Variants in GATAD1 observed in about 807,000 individuals in gnomAD.
GATAD1 encodes the protein GATA zinc finger domain-containing protein 1.
Under a neutral mutation model 26.5 loss-of-function variants are expected in GATAD1, and 12 were observed. The ratio of observed to expected loss-of-function variants is 0.45; its 90% CI spans 0.29 to 0.73. The LOEUF (loss-of-function observed/expected upper bound fraction) is 0.73. Ranked by LOEUF, GATAD1 falls within the 30% of genes least tolerant of loss-of-function variation. The pLI, the probability that GATAD1 is intolerant of heterozygous loss-of-function variation, is 0.10. For synonymous variants in GATAD1, 129 were observed against 133.1 expected (o/e 0.97, Z 0.21); for missense variants, 266 against 342.1 (o/e 0.78, Z 1.75).
At chr7:92,461,718 G>A (rs139819836), downstream of GATAD1, among the ~76,000 whole-genome samples, 2 of 152,228 alleles carry the variant, frequency 1.3e-5, no homozygotes, top group African/African-American at 4.8e-5. Flanking sequence ...TCCCTCATGT[G>A]GCTGTTGGCA....
chr7:92,476,252 T>C, the GATAD1 span, among the ~76,000 whole-genome samples: 1 of 152,250 alleles, frequency 6.6e-6, no homozygotes, highest in Non-Finnish European at 1.5e-5. Context: ...TTTTGCTTTT[T>C]TTATTAGAAT....
chr7:92,485,340 C>CATT, the GATAD1 span, among the ~76,000 whole-genome samples: 1 of 152,138 alleles, frequency 6.6e-6, no homozygotes, highest in Non-Finnish European at 1.5e-5. Flanking sequence ...GGAGCCATAT[C>CATT]ATTTGTGTTC....
the GATAD1 span, among the ~76,000 whole-genome samples, chr7:92,466,103 A>G: frequency 6.6e-6 from 1 of 152,210 alleles, no homozygotes; most frequent in Non-Finnish European, 1.5e-5. Context: ...GTTTATTACA[A>G]AAAGACTGTT....
the GATAD1 span, chr7:92,494,728 A>T: frequency 1.3e-6 from 1 of 776,250 alleles, no homozygotes; most frequent in South Asian, 2.5e-5. Flanking sequence ...ATGTATTTAT[A>T]TATATTTATA....
chr7:92,456,694 G>T lies in GATAD1; in HGVS notation c.*132G>T, dbSNP rs907102137. 9 of 557,328 alleles carry T rather than the reference G, an allele frequency of 1.6e-5. No homozygotes were observed. The highest frequency in any genetic ancestry group is 8.2e-5 in the South Asian group (3 of 36,580). The allele number at this position is 557,328 out of a possible 1,614,324, so 34.5% of individuals were successfully genotyped here. A position where few individuals can be genotyped will look rare whatever the true frequency, so the allele number is the denominator to read the frequency against. On this transcript the variant is annotated 3_prime_UTR_variant, in exon 5 of 5. Transcript: ENST00000287957. ...TTCTTAAAAAACCACAAAAAAACTG[G>T]ATTTCCAGTTCTCTAATATTCTTAG... is the stretch of plus-strand genomic sequence containing the variant.
the GATAD1 span, among the ~76,000 whole-genome samples, chr7:92,468,181 T>G: frequency 6.6e-6 from 1 of 152,174 alleles, no homozygotes; most frequent in Non-Finnish European, 1.5e-5. Context: ...CCCAGGCACT[T>G]AGCCATGCAG....
chr7:92,483,497 G>A, the GATAD1 span, among the ~76,000 whole-genome samples: 1 of 152,226 alleles, frequency 6.6e-6, no homozygotes, highest in Non-Finnish European at 1.5e-5. Flanking sequence ...ATTTAATGTT[G>A]GGAGCGGATT....
At chr7:92,472,307 A>G in the GATAD1 span, 1 of 152,202 alleles carries the variant, frequency 6.6e-6, no homozygotes, top group African/African-American at 2.4e-5. Flanking sequence ...TCACATCATG[A>G]GATGTCCACA....
At chr7:92,489,997 T>G in the GATAD1 span, 2 of 1,044,846 alleles carry the variant, frequency 1.9e-6, no homozygotes, top group African/African-American at 1.6e-5. Context: ...AAATTAAACA[T>G]TTTAAGCAAT....
At chr7:92,468,499 T>C in the GATAD1 span, 1 of 292,558 alleles carries the variant, frequency 3.4e-6, no homozygotes, top group Non-Finnish European at 6.3e-6. Context: ...TCCCGATCAT[T>C]GTCCCTCCTG....
the GATAD1 span, among the ~76,000 whole-genome samples, chr7:92,465,852 T>G: frequency 6.6e-6 from 1 of 151,568 alleles, no homozygotes; most frequent in African/African-American, 2.4e-5. Flanking sequence ...AATACAAAAA[T>G]TAGCCCGGCG....
the GATAD1 span, among the ~76,000 whole-genome samples, chr7:92,491,056 G>A: frequency 3.3e-5 from 5 of 152,232 alleles, no homozygotes; most frequent in East Asian, 1.9e-4. Flanking sequence ...TCACAACCAC[G>A]CGCTACTTTG....
chr7:92,448,809 G>C lies in GATAD1; in HGVS notation c.307G>C (p.Ala103Pro), dbSNP rs1789290199. The change falls in exon 2 of 5, where the codon GCT (alanine) becomes CCT (proline). Residue 103 changes from alanine (A) to proline (P), a missense_variant. Physicochemically the swap from Ala to Pro is conservative, Grantham distance 27. Transcript: ENST00000287957. ...ARLRNTKYKSAPAAEKKVSTK... is the reference protein window; with the variant it reads ...ARLRNTKYKSPPAAEKKVSTK... ...GCTCAGAAACACTAAATACAAATCT[G>C]CTCCGGCTGCTGAAAAGAAAGTCTC... 1 of 1,609,476 alleles carries C rather than the reference G, an allele frequency of 6.2e-7. No individual in the cohort carries two copies. Among genetic ancestry groups the C allele is most frequent in the African/African-American group, 1.3e-5 (1 of 74,820 alleles).
the GATAD1 span, among the ~76,000 whole-genome samples, chr7:92,482,975 C>T: frequency 6.6e-6 from 1 of 152,242 alleles, no homozygotes; most frequent in East Asian, 1.9e-4. Flanking sequence ...GACTTAGCCT[C>T]CACTGTGAGA....
Position 92,459,324 on chromosome 7 carries a change from CATTT to C in GATAD1, c.*2766_*2769del, listed in dbSNP as rs1292100457. 1.3e-5 allele frequency: 2 copies of C among 150,984 alleles called. No homozygotes were observed. Among genetic ancestry groups the C allele is most frequent in the Non-Finnish European group, 1.5e-5 (1 of 67,748 alleles). The allele number at this position is 150,984 out of a possible 1,614,324, so 9.4% of individuals were successfully genotyped here. A position where few individuals can be genotyped will look rare whatever the true frequency, so the allele number is the denominator to read the frequency against. The stretch of plus-strand genomic sequence containing the variant: ...CTAATAAAATGAACACAATGTAAAA[CATTT>C]ATTAAAATGTAGACTTTTAAAAATC... On this transcript the variant is annotated 3_prime_UTR_variant, in exon 5 of 5. Transcript: ENST00000287957.
At chr7:92,448,602 T>G (rs1236490882) in intron 1 of GATAD1, 150 bp from the exon 2 acceptor site, 1 of 686,302 alleles carries the variant, frequency 1.5e-6, no homozygotes. Context: ...TTGCTGTAAT[T>G]ACTTCTCTTG....
chr7:92,480,896 C>A, the GATAD1 span, among the ~76,000 whole-genome samples: 1 of 152,030 alleles, frequency 6.6e-6, no homozygotes, highest in Admixed American at 6.6e-5. Context: ...GATGGAGGAC[C>A]CTTGCGTAGT....
At chr7:92,456,134 G>A (rs889528484) in intron 4 of GATAD1, among the ~76,000 whole-genome samples, 1 of 152,132 alleles carries the variant, frequency 6.6e-6, no homozygotes, top group African/African-American at 2.4e-5. Context: ...GAGCAGTGTG[G>A]GTACAAAATA....
rs1276589860 is a variant in GATAD1, at chr7:92,459,057, C to T, written c.*2495C>T. On this transcript the variant is annotated 3_prime_UTR_variant, in exon 5 of 5. Coordinates refer to ENST00000287957, the MANE Select transcript of GATAD1 (RefSeq NM_021167.5). ...TGGTCAACATGAAACCCCGTCTCTA[C>T]TAAAAATACAAAAATTAGCTGGGCG... 6.6e-6 allele frequency: 1 copy of T among 152,208 alleles called. No homozygotes were observed. Among genetic ancestry groups the T allele is most frequent in the African/African-American group, 2.4e-5 (1 of 41,402 alleles). The allele number at this position is 152,208 out of a possible 1,614,324, so 9.4% of individuals were successfully genotyped here. A position where few individuals can be genotyped will look rare whatever the true frequency, so the allele number is the denominator to read the frequency against.
Sources: gnomAD v4.1 joint callset for allele counts (sites outside exome capture counted in the v4.1 genomes callset) on GRCh38, gnomAD v4.1.1 for gene constraint, MANE v1.5 for transcripts, NCBI Gene and HGNC (gene_info 2026-07-23, HGNC 2026-07-21) for gene names.